Variants in DACH1 observed in about 807,000 individuals in gnomAD.
DACH1 encodes dachshund family transcription factor 1, also known as dachshund homolog 1.
Under a neutral mutation model 54.2 loss-of-function variants are expected in DACH1, and 12 were observed. That is an observed-to-expected ratio of 0.22 (90% CI 0.14 to 0.36). The LOEUF is 0.36. Ranked by LOEUF, DACH1 falls within the 10% of genes least tolerant of loss-of-function variation. DACH1 has a pLI of 1.00. For missense variants in DACH1, 805 were observed against 929.8 expected, an observed-to-expected ratio of 0.87 and a Z score of 1.75; for synonymous variants, 386 against 366.2, an observed-to-expected ratio of 1.05 and a Z score of -0.62.
Position 71,841,896 on chromosome 13 carries a change from G to A in DACH1, c.848+24026C>T, listed in dbSNP as rs145895697. ...ACTAACTTCTACATAGTTTACAAAT[G>A]CCATCTCATAATTCATAATTCATAA... On this transcript the variant is annotated intron_variant, in intron 1 of 10. Transcript: ENST00000613252. Among the ~76,000 whole-genome samples the A allele has an allele frequency of 3.6e-3, 541 of 152,234 alleles. 3 individuals are homozygous for A. Among genetic ancestry groups the A allele is most frequent in the African/African-American group, 0.012 (518 of 41,540 alleles).
chr13:71,692,506 C>CTTTTTTTTTTT (rs398023338), intron 1 of DACH1, among the ~76,000 whole-genome samples: 8 of 44,438 alleles, frequency 1.8e-4, no homozygotes, highest in Admixed American at 8.8e-4. Context: ...CTTTTCTTTC[C>CTTTTTTTTTTT]TTTTTTTTTT....
chr13:71,604,564 C>T lies in DACH1; in HGVS notation c.1126+25992G>A, dbSNP rs1044726641. Among the ~76,000 whole-genome samples, 5 of 151,796 alleles carry T rather than the reference C, an allele frequency of 3.3e-5. No individual in the cohort carries two copies. In the East Asian group the frequency reaches 9.7e-4, roughly 29 times the overall value. ...GTAGAAATTACGGCTTTATAAGCTT[C>T]CAATAATATGGTCTTTTTAGGAATT... On this transcript the variant is annotated intron_variant, in intron 3 of 10. Coordinates refer to ENST00000613252, the MANE Select transcript of DACH1 (RefSeq NM_080759.6).
At chr13:71,623,111 A>G (rs1193884037) in intron 3 of DACH1, among the ~76,000 whole-genome samples, 1 of 151,774 alleles carries the variant, frequency 6.6e-6, no homozygotes, top group East Asian at 1.9e-4. Context: ...AATGGATTTA[A>G]GAATATGTGT....
rs1167871695 is a variant in DACH1 at position 71,552,842 on chromosome 13, TAGAGAGAGAG to T, written c.1570+4172_1570+4181del. 4.0e-3 allele frequency among the ~76,000 whole-genome samples: 50 copies of T among 12,514 alleles called. 1 individual carries two copies. Among genetic ancestry groups the T allele is most frequent in the African/African-American group, 7.4e-3 (24 of 3,242 alleles). 8.2% of individuals were successfully genotyped at this position (12,514 alleles called of 152,430 possible). ...ATATATATATATATATATATATATATAGAGAGAGAGAGAGAGAGAGAGAGAGAGAGAGAGA... is the reference window on the plus strand; with the variant it reads ...ATATATATATATATATATATATATATAGAGAGAGAGAGAGAGAGAGAGAGA... On this transcript the variant is annotated intron_variant, in intron 6 of 10. Transcript: ENST00000613252.
chr13:71,779,609 C>T (rs1346502285), intron 1 of DACH1, among the ~76,000 whole-genome samples: 1 of 151,998 alleles, frequency 6.6e-6, no homozygotes, highest in Non-Finnish European at 1.5e-5. Flanking sequence ...ACAACCTAAA[C>T]CATATTGGAA....
In DACH1 at chr13:71,529,183, G is replaced by GTTTTTTTTTTGTTTTT. The variant is rs1299574030; in HGVS notation, c.1570+27840_1570+27841insAAAAACAAAAAAAAAA. On this transcript the variant is annotated intron_variant, in intron 6 of 10. Coordinates refer to ENST00000613252, the MANE Select transcript of DACH1 (RefSeq NM_080759.6). ...TACATCAAACAATATTGTGATTTGG[G>GTTTTTTTTTTGTTTTT]TTTTTTTTTTTTTTTTTTTTTGAGG... Among the ~76,000 whole-genome samples the GTTTTTTTTTTGTTTTT allele has an allele frequency of 2.3e-4, 19 of 80,976 alleles. 1 individual carries two copies. The highest frequency in any genetic ancestry group is 7.9e-4 in the African/African-American group (18 of 22,864). 53.1% of individuals were successfully genotyped at this position (80,976 alleles called of 152,430 possible). A position where few individuals can be genotyped will look rare whatever the true frequency, so the allele number is the denominator to read the frequency against.
chr13:71,469,058 G>A (rs769129652), intron 10 of DACH1, among the ~76,000 whole-genome samples: 1 of 152,146 alleles, frequency 6.6e-6, no homozygotes, highest in Non-Finnish European at 1.5e-5. Context: ...GTAAGCCTGG[G>A]TAAAAAGTTT....
At chr13:71,519,371 A>C (rs2138276604) in intron 6 of DACH1, among the ~76,000 whole-genome samples, 1 of 151,914 alleles carries the variant, frequency 6.6e-6, no homozygotes, top group African/African-American at 2.4e-5. Flanking sequence ...TCTGTTGGTA[A>C]ATTTGTGGCT....
chr13:71,455,675 T>C (rs181779831), intron 10 of DACH1, among the ~76,000 whole-genome samples: 45 of 152,200 alleles, frequency 3.0e-4, no homozygotes, highest in Admixed American at 9.2e-4. Flanking sequence ...TTTAATGAAC[T>C]GACAAAAAGC....
At chr13:71,668,690 T>A (rs1566419413) in intron 2 of DACH1, among the ~76,000 whole-genome samples, 1 of 152,010 alleles carries the variant, frequency 6.6e-6, no homozygotes, top group East Asian at 1.9e-4. Context: ...TTTGAGAGGC[T>A]GAGGCAGGCA....
chr13:71,447,765 G>A (rs1053232299), intron 10 of DACH1, among the ~76,000 whole-genome samples: 1 of 151,376 alleles, frequency 6.6e-6, no homozygotes, highest in African/African-American at 2.4e-5. Flanking sequence ...CCCAGGAAGC[G>A]GAAGTTGCAG....
At chr13:71,815,808 G>A (rs1207489398) in intron 1 of DACH1, among the ~76,000 whole-genome samples, 1 of 152,142 alleles carries the variant, frequency 6.6e-6, no homozygotes, top group Non-Finnish European at 1.5e-5. Context: ...CTCAGAGGCC[G>A]GGCGCGGTGG....
intron 6 of DACH1, among the ~76,000 whole-genome samples, chr13:71,526,357 C>T (rs536060903): frequency 3.7e-4 from 57 of 152,192 alleles, no homozygotes; most frequent in African/African-American, 1.3e-3. Context: ...TCTGTCTTCA[C>T]TGGCAGTTCC....
chr13:71,556,637 T>G (rs9599856), intron 6 of DACH1, among the ~76,000 whole-genome samples: 2 of 152,264 alleles, frequency 1.3e-5, no homozygotes, highest in African/African-American at 4.8e-5. Flanking sequence ...AAACTGTTTT[T>G]TTAATTCAAA....
intron 6 of DACH1, among the ~76,000 whole-genome samples, chr13:71,508,422 A>G (rs572836345): frequency 6.6e-6 from 1 of 152,036 alleles, no homozygotes; most frequent in Non-Finnish European, 1.5e-5. Flanking sequence ...GTATCATTTT[A>G]TATGCATGGA....
intron 6 of DACH1, 58 bp from the exon 7 acceptor site, chr13:71,489,206 C>T (rs1240424856): frequency 1.0e-5 from 16 of 1,556,620 alleles, no homozygotes; most frequent in African/African-American, 1.4e-5. Flanking sequence ...TTTTATTAGA[C>T]CTCAGTAATG....
At chr13:71,673,762 T>TA (rs1880364427) in intron 2 of DACH1, among the ~76,000 whole-genome samples, 1 of 152,042 alleles carries the variant, frequency 6.6e-6, no homozygotes, top group South Asian at 2.1e-4. Context: ...AGTATAATAA[T>TA]AAAAAAAGAG....
chr13:71,632,275 A>C (rs1347182149), intron 2 of DACH1, among the ~76,000 whole-genome samples: 1 of 152,122 alleles, frequency 6.6e-6, no homozygotes, highest in Non-Finnish European at 1.5e-5. Context: ...TCTTGCTTAA[A>C]TGTGTGAACT....
chr13:71,854,067 CA>C (rs999034438), intron 1 of DACH1, among the ~76,000 whole-genome samples: 14 of 151,196 alleles, frequency 9.3e-5, no homozygotes, highest in African/African-American at 3.2e-4. Context: ...ACCCACTCTC[CA>C]AAAAAAAGAG....
Sources: gnomAD v4.1 joint callset for allele counts (sites outside exome capture counted in the v4.1 genomes callset) on GRCh38, gnomAD v4.1.1 for gene constraint, MANE v1.5 for transcripts, NCBI Gene and HGNC (gene_info 2026-07-23, HGNC 2026-07-21) for gene names.